CAMTA1: variants seen among roughly 807,000 people sequenced by gnomAD.
CAMTA1 encodes calmodulin-binding transcription activator 1.
In CAMTA1, 27 loss-of-function variants were observed where a neutral mutation model predicts 170.9. That is an observed-to-expected ratio of 0.16 (90% CI 0.12 to 0.22). The LOEUF is 0.22. CAMTA1 is among the 10% of genes least tolerant of loss of function. The pLI is 1.00. For synonymous variants in CAMTA1, 833 were observed against 891.5 expected (o/e 0.93, Z 1.17); for missense variants, 1,619 against 2,217.2 (o/e 0.73, Z 5.42).
intron 6 of CAMTA1, among the ~76,000 whole-genome samples, chr1:7,490,509 G>C (rs150445248): frequency 2.0e-5 from 3 of 152,278 alleles, no homozygotes; most frequent in African/African-American, 7.2e-5. Flanking sequence ...AAAATTAGCC[G>C]GGCGTAGTGG....
intron 5 of CAMTA1, among the ~76,000 whole-genome samples, chr1:7,309,316 T>TTTTTTG (rs1676087061): frequency 7.4e-6 from 1 of 135,974 alleles, no homozygotes; most frequent in African/African-American, 2.7e-5. Flanking sequence ...TTTTTTTTTT[T>TTTTTTG]TGAGACGGAG....
At chr1:7,731,239 G>A (rs546294071) in intron 11 of CAMTA1, among the ~76,000 whole-genome samples, 18 of 152,236 alleles carry the variant, frequency 1.2e-4, no homozygotes, top group African/African-American at 4.3e-4. Context: ...ATGTAGAAGT[G>A]AAGTACCTAT....
At chr1:7,445,321 T>C (rs1426488642) in intron 5 of CAMTA1, among the ~76,000 whole-genome samples, 1 of 151,322 alleles carries the variant, frequency 6.6e-6, no homozygotes, top group Non-Finnish European at 1.5e-5. Context: ...GAGAAGCCGC[T>C]GCTATGAGGA....
chr1:7,507,669 C>T (rs932993796), intron 6 of CAMTA1, among the ~76,000 whole-genome samples: 4 of 152,202 alleles, frequency 2.6e-5, no homozygotes, highest in South Asian at 2.1e-4. Context: ...CGCCAGCCCC[C>T]GAGCAGGCAA....
At chr1:7,240,792 C>T (rs1274773203) in intron 4 of CAMTA1, among the ~76,000 whole-genome samples, 1 of 152,116 alleles carries the variant, frequency 6.6e-6, no homozygotes, top group Non-Finnish European at 1.5e-5. Flanking sequence ...ACACGTGAGC[C>T]ACCACACCTG....
intron 5 of CAMTA1, among the ~76,000 whole-genome samples, chr1:7,354,690 A>G (rs1408682854): frequency 6.6e-6 from 1 of 152,226 alleles, no homozygotes; most frequent in Admixed American, 6.5e-5. Flanking sequence ...CCTGCAATGT[A>G]CAAGCATTCC....
At chr1:7,172,249 A>G (rs936054109) in intron 4 of CAMTA1, among the ~76,000 whole-genome samples, 12 of 152,004 alleles carry the variant, frequency 7.9e-5, no homozygotes, top group African/African-American at 2.9e-4. Flanking sequence ...TCCTGGGCTC[A>G]AGCGATTCTC....
intron 5 of CAMTA1, among the ~76,000 whole-genome samples, chr1:7,285,529 T>C (rs946652667): frequency 3.3e-5 from 5 of 152,232 alleles, no homozygotes; most frequent in East Asian, 1.9e-4. Flanking sequence ...GCCTGTCTCA[T>C]GGCAGCTCCT....
intron 3 of CAMTA1, among the ~76,000 whole-genome samples, chr1:6,831,773 T>A (rs1275126784): frequency 1.3e-5 from 2 of 152,234 alleles, no homozygotes; most frequent in Non-Finnish European, 2.9e-5. Flanking sequence ...TTTCATCAGA[T>A]GTTTTTAGTT....
At chr1:6,888,072 G>A (rs187441138) in intron 3 of CAMTA1, 1 of 1,054,624 alleles carries the variant, frequency 9.5e-7, no homozygotes, top group Non-Finnish European at 1.2e-6. Flanking sequence ...ATGTTTTCCA[G>A]TCAGTTACCA....
At position 7,467,912 on chromosome 1, in the gene CAMTA1, G is replaced by A. The variant is rs369914699; in HGVS notation, c.510+11G>A. On this transcript the variant is annotated intron_variant, in intron 6 of 22. Coordinates refer to ENST00000303635, the MANE Select transcript of CAMTA1 (RefSeq NM_015215.4). ...TACTGGCTCCTTCAGGTAGGTGGCT[G>A]GGACTGGATTCTTCTTCTGTCTCTG... 2.3e-5 allele frequency: 37 copies of A among 1,609,472 alleles called. No homozygotes were observed. The highest frequency in any genetic ancestry group is 5.0e-5 in the Admixed American group (3 of 60,004).
At chr1:7,140,173 G>A (rs1310476236) in intron 4 of CAMTA1, among the ~76,000 whole-genome samples, 2 of 152,202 alleles carry the variant, frequency 1.3e-5, no homozygotes, top group African/African-American at 4.8e-5. Flanking sequence ...AACCAGGGCT[G>A]CTTGATCCAC....
chr1:6,980,209 G>T (rs1401618340), intron 3 of CAMTA1, among the ~76,000 whole-genome samples: 2 of 152,158 alleles, frequency 1.3e-5, no homozygotes, highest in Non-Finnish European at 2.9e-5. Context: ...TACAAGTCGG[G>T]GTGGAGTCGA....
intron 5 of CAMTA1, among the ~76,000 whole-genome samples, chr1:7,321,265 C>T (rs975274731): frequency 1.3e-5 from 2 of 152,222 alleles, no homozygotes; most frequent in Admixed American, 1.3e-4. Flanking sequence ...TTGGCTGCCA[C>T]TCTGACCTTG....
At chr1:7,221,950 G>C (rs1302473510) in intron 4 of CAMTA1, among the ~76,000 whole-genome samples, 7 of 127,392 alleles carry the variant, frequency 5.5e-5, no homozygotes, top group African/African-American at 3.4e-4. Flanking sequence ...CACACACACA[G>C]GCTTCCTGTA....
chr1:7,441,315 ACTGT>A (rs1421287474), intron 5 of CAMTA1: 3 of 152,248 alleles, frequency 2.0e-5, no homozygotes, highest in Non-Finnish European at 2.9e-5. Flanking sequence ...CATACCAGTG[ACTGT>A]CTGTATCTCA....
At chr1:7,077,435 T>C (rs1301442871) in intron 3 of CAMTA1, among the ~76,000 whole-genome samples, 2 of 151,958 alleles carry the variant, frequency 1.3e-5, no homozygotes, top group Non-Finnish European at 2.9e-5. Context: ...TTGTACCCCT[T>C]GTATGGGAGC....
At chr1:6,885,248 T>C (rs1672892370) in intron 3 of CAMTA1, among the ~76,000 whole-genome samples, 1 of 152,214 alleles carries the variant, frequency 6.6e-6, no homozygotes, top group Admixed American at 6.5e-5. Context: ...CAACACATGT[T>C]ATGGAAGTAT....
intron 4 of CAMTA1, among the ~76,000 whole-genome samples, chr1:7,176,150 G>A (rs80082567): frequency 0.026 from 3,916 of 152,340 alleles, 72 homozygotes; most frequent in Non-Finnish European, 0.04. Context: ...TTAAAACAAT[G>A]TAATCCTTTT....
Sources: allele counts gnomAD v4.1 joint callset (sites outside exome capture counted in the v4.1 genomes callset), GRCh38; gene constraint gnomAD v4.1.1; transcripts MANE v1.5; gene names NCBI Gene and HGNC (gene_info 2026-07-23, HGNC 2026-07-21).